The following ESR1 variants were observed in gnomAD, a reference collection of about 807,000 sequenced individuals.
ESR1 encodes estrogen receptor 1.
A neutral mutation model predicts 52.7 loss-of-function variants in ESR1; 12 were observed. The ratio of observed to expected loss-of-function variants is 0.23; its 90% CI spans 0.15 to 0.37. ESR1 has a LOEUF of 0.37. ESR1 is among the 10% of genes least tolerant of loss of function. ESR1 has a pLI of 1.00. For synonymous variants in ESR1, 305 were observed against 316.8 expected (o/e 0.96, Z 0.39); for missense variants, 584 against 779.7 (o/e 0.75, Z 2.99).
intron 2 of ESR1, among the ~76,000 whole-genome samples, chr6:151,762,580 C>T (rs1227881050): frequency 6.6e-6 from 1 of 152,158 alleles, no homozygotes; most frequent in African/African-American, 2.4e-5. Context: ...AATTATAGAA[C>T]TTACTTCATA....
At chr6:151,924,936 T>G (rs56743212) in intron 3 of ESR1, among the ~76,000 whole-genome samples, 4,580 of 152,224 alleles carry the variant, frequency 0.03, 249 homozygotes, top group African/African-American at 0.1. Flanking sequence ...TGCATGTGTC[T>G]TTATGGTAGA....
rs2050970332 is a variant in ESR1 at position 152,101,664 on chromosome 6, GC to G, written c.*2700del. The G allele has an allele frequency of 1.3e-5, 3 of 230,862 alleles. No homozygotes were observed. Among genetic ancestry groups the G allele is most frequent in the African/African-American group, 6.6e-5 (3 of 45,200 alleles). 14.3% of individuals were successfully genotyped at this position (230,862 alleles called of 1,614,324 possible). A position where few individuals can be genotyped will look rare whatever the true frequency, so the allele number is the denominator to read the frequency against. Reference sequence around the variant, plus strand: ...GAACATGATTTAAAAAAAAACTCTTGCCTCTGCTTTCCCCCACTCTGAGGCA... The same window carrying G: ...GAACATGATTTAAAAAAAAACTCTTGCTCTGCTTTCCCCCACTCTGAGGCA... On this transcript the variant is annotated 3_prime_UTR_variant, in exon 8 of 8. Transcript: ENST00000206249.
At position 152,088,669 on chromosome 6, in the gene ESR1, C is replaced by T. The variant is rs9341041; in HGVS notation, c.1370-5716C>T. 2.3e-4 allele frequency among the ~76,000 whole-genome samples: 35 copies of T among 152,288 alleles called. No homozygotes were observed. The South Asian group carries it at 6.9e-3, about 30-fold the overall frequency. On this transcript the variant is annotated intron_variant, in intron 6 of 7. Transcript: ENST00000206249. The stretch of plus-strand genomic sequence containing the variant: ...AGCCTCCTTGCCATGTGAGCCATCT[C>T]GGGACCCCGCAGAGTCCCCAGCAGA...
At chr6:151,659,363 G>T (rs1777561103) in intron 1 of ESR1, among the ~76,000 whole-genome samples, 1 of 152,182 alleles carries the variant, frequency 6.6e-6, no homozygotes, top group African/African-American at 2.4e-5. Flanking sequence ...CCAGTGGCAG[G>T]CCTTTCCTAC....
chr6:152,123,390 C>T (rs1364007910), intron 6 of ESR1, among the ~76,000 whole-genome samples: 1 of 152,160 alleles, frequency 6.6e-6, no homozygotes, highest in African/African-American at 2.4e-5. Flanking sequence ...AAATGGACAC[C>T]ATTTTCTGAG....
intron 4 of ESR1, among the ~76,000 whole-genome samples, chr6:151,954,555 C>T (rs2036688440): frequency 6.6e-6 from 1 of 152,148 alleles, no homozygotes; most frequent in Non-Finnish European, 1.5e-5. Flanking sequence ...CCCAATAAAA[C>T]GGTGGGCAGT....
intron 2 of ESR1, among the ~76,000 whole-genome samples, chr6:151,723,681 C>G (rs1237471930): frequency 6.6e-6 from 1 of 152,008 alleles, no homozygotes. Flanking sequence ...CCAGTCTGGC[C>G]AATACGGTGA....
chr6:151,986,656 AG>A (rs1241558875), intron 4 of ESR1, among the ~76,000 whole-genome samples: 1 of 152,134 alleles, frequency 6.6e-6, no homozygotes, highest in East Asian at 1.9e-4. Flanking sequence ...TAAATGAAAA[AG>A]TGTCAGGTCC....
chr6:151,955,978 G>C (rs922581223), intron 4 of ESR1, among the ~76,000 whole-genome samples: 3 of 152,004 alleles, frequency 2.0e-5, no homozygotes, highest in African/African-American at 7.3e-5. Flanking sequence ...GCATTATCAG[G>C]TTTTCTGCTT....
chr6:151,862,018 C>T (rs1788980713), intron 2 of ESR1, among the ~76,000 whole-genome samples: 1 of 152,124 alleles, frequency 6.6e-6, no homozygotes, highest in African/African-American at 2.4e-5. Context: ...GCTGTCCTTA[C>T]AAATTTGAGC....
chr6:152,114,725 A>G (rs1256613978), intron 6 of ESR1, among the ~76,000 whole-genome samples: 1 of 151,260 alleles, frequency 6.6e-6, no homozygotes, highest in African/African-American at 2.4e-5. Context: ...CCCCGTCTCT[A>G]CTAAAAATAC....
intron 6 of ESR1, among the ~76,000 whole-genome samples, chr6:152,072,524 G>A (rs560940234): frequency 5.9e-5 from 9 of 152,162 alleles, no homozygotes; most frequent in Non-Finnish European, 1.2e-4. Context: ...TACTGGACAC[G>A]GGACTGAACA....
At chr6:151,708,025 C>A (rs2127994347) in intron 2 of ESR1, among the ~76,000 whole-genome samples, 2 of 152,036 alleles carry the variant, frequency 1.3e-5, no homozygotes, top group South Asian at 4.2e-4. Context: ...TTGTTCTGTA[C>A]CCCTTCACAG....
At chr6:152,107,222 C>G (rs960028640), downstream of ESR1, among the ~76,000 whole-genome samples, 1 of 152,164 alleles carries the variant, frequency 6.6e-6, no homozygotes, top group Non-Finnish European at 1.5e-5. Flanking sequence ...CTGAGACTCT[C>G]TTTACATATA....
chr6:152,048,438 G>T (rs2128919733), intron 5 of ESR1, among the ~76,000 whole-genome samples: 1 of 149,286 alleles, frequency 6.7e-6, no homozygotes, highest in South Asian at 2.1e-4. Flanking sequence ...CATTTAAGTT[G>T]CACCGCTTGT....
rs71017517 is a variant in ESR1 at position 152,047,956 on chromosome 6, A to ATT, written c.1236-13009_1236-13008dup. ...TTTCAGCTTCTCTGACTCCTCAAGC[A>ATT]TTTTTTTTTTTTTTTTTTTTTTTTT... On this transcript the variant is annotated intron_variant, in intron 5 of 7. Coordinates refer to ENST00000206249, the MANE Select transcript of ESR1 (RefSeq NM_000125.4). Among the ~76,000 whole-genome samples, 115 of 67,764 alleles carry ATT rather than the reference A, an allele frequency of 1.7e-3. 4 individuals are homozygous for ATT. Among genetic ancestry groups the ATT allele is most frequent in the East Asian group, 0.011 (23 of 2,094 alleles). 44.5% of individuals were successfully genotyped at this position (67,764 alleles called of 152,430 possible).
At chr6:151,950,748 A>G (rs2036236553) in intron 4 of ESR1, among the ~76,000 whole-genome samples, 1 of 152,162 alleles carries the variant, frequency 6.6e-6, no homozygotes, top group African/African-American at 2.4e-5. Flanking sequence ...TCTCCCCCTC[A>G]GAGAGAGTAT....
intron 2 of ESR1, among the ~76,000 whole-genome samples, chr6:151,749,707 AGGAAGG>A (rs1006487332): frequency 8.0e-5 from 12 of 150,912 alleles, no homozygotes; most frequent in African/African-American, 3.0e-4. Flanking sequence ...ATTATTCTGG[AGGAAGG>A]GGATCACGGA....
chr6:151,834,313 G>T (rs1421849396), intron 1 of ESR1, among the ~76,000 whole-genome samples: 1 of 152,192 alleles, frequency 6.6e-6, no homozygotes, highest in Non-Finnish European at 1.5e-5. Context: ...GCCCATCAAT[G>T]ATAGACTGGA....
Sources: gnomAD v4.1 joint callset for allele counts (sites outside exome capture counted in the v4.1 genomes callset) on GRCh38, gnomAD v4.1.1 for gene constraint, MANE v1.5 for transcripts, NCBI Gene and HGNC (gene_info 2026-07-23, HGNC 2026-07-21) for gene names.